Variants in IGF2BP1 observed in about 807,000 individuals in gnomAD.
The protein encoded by IGF2BP1 is insulin like growth factor 2 mRNA binding protein 1.
IGF2BP1 carries 11 observed loss-of-function variants against 74.9 expected under a neutral mutation model. The observed-to-expected ratio is 0.15, with a 90% confidence interval of 0.09 to 0.24. The LOEUF (loss-of-function observed/expected upper bound fraction) is 0.24, where lower values mean the gene tolerates loss of function less well. Among genes scored for constraint, IGF2BP1 ranks in the 10% least tolerant of loss-of-function variants. The pLI is 1.00. For missense variants in IGF2BP1, 440 were observed against 757.4 expected (o/e 0.58, Z 4.92); for synonymous variants, 287 against 281.8 (o/e 1.02, Z -0.18).
rs1295473711 is a variant in IGF2BP1 at position 48,997,784 on chromosome 17, G to A, written c.39G>A (p.Val13=). 4.3e-6 allele frequency: 7 copies of A among 1,613,942 alleles called. No individual in the cohort carries two copies. Among genetic ancestry groups the A allele is most frequent in the Non-Finnish European group, 5.9e-6 (7 of 1,179,990 alleles). ...ACATCGGCAACCTCAACGAGAGCGT[G>A]ACCCCCGCGGACTTGGAGAAAGTGT... is the stretch of plus-strand genomic sequence containing the variant. ...KLYIGNLNES[V]TPADLEKVFA... is the part of the protein sequence containing the mutation. The change falls in exon 1 of 15, where the codon GTG becomes GTA. Residue 13 remains valine (V), a synonymous_variant. Transcript: ENST00000290341. This position sits in a 1 kb window ranked among gnomAD's most constrained non-coding sequence, Gnocchi z 4.8.
intron 5 of IGF2BP1, chr17:49,036,778 C>G (rs2144107465): frequency 6.5e-6 from 1 of 153,278 alleles, no homozygotes; most frequent in Admixed American, 6.5e-5. Flanking sequence ...GGAGAAACCC[C>G]ATCTCTACTA....
intron 6 of IGF2BP1, among the ~76,000 whole-genome samples, chr17:49,039,212 T>C (rs1174361754): frequency 6.6e-6 from 1 of 152,038 alleles, no homozygotes; most frequent in East Asian, 1.9e-4. Flanking sequence ...GTGTACTCAG[T>C]GGCAAAGAAC....
chr17:49,029,506 C>T (rs2041897160), intron 4 of IGF2BP1, among the ~76,000 whole-genome samples: 1 of 152,166 alleles, frequency 6.6e-6, no homozygotes, highest in Non-Finnish European at 1.5e-5. Context: ...CTTATCTGTC[C>T]TCAGTGTTGT....
chr17:49,041,410 A>G lies in IGF2BP1; in HGVS notation c.851A>G (p.His284Arg). 1 of 1,614,100 alleles carries G rather than the reference A, an allele frequency of 6.2e-7. No homozygotes were observed. Residue 284 changes from histidine to arginine, a missense_variant, in exon 8 of 15, where the codon CAT (histidine) becomes CGT (arginine). Around this residue, in one of 5 missense-constraint regions of IGF2BP1, gnomAD observed 184 missense variants for 273.4 expected, o/e 0.67. Coordinates refer to ENST00000290341, the MANE Select transcript of IGF2BP1 (RefSeq NM_006546.4). ...GAGGTTCCCCTGAAGATCCTGGCCC[A>G]TAATAACTTTGTAGGGCGTCTCATT... ...ADEVPLKILA[H>R]NNFVGRLIGK...
intron 2 of IGF2BP1, among the ~76,000 whole-genome samples, chr17:49,006,283 T>C (rs2041550905): frequency 1.3e-5 from 2 of 152,150 alleles, no homozygotes; most frequent in South Asian, 4.1e-4. Context: ...AAAGGAATCA[T>C]TCAAAATTCT....
At chr17:49,034,667 G>T (rs2041963530) in intron 5 of IGF2BP1, among the ~76,000 whole-genome samples, 2 of 151,436 alleles carry the variant, frequency 1.3e-5, no homozygotes, top group Admixed American at 1.3e-4. Context: ...GGAGGTGGAG[G>T]TGGAGGTTGC....
At chr17:49,034,234 C>T (rs1234276920) in intron 5 of IGF2BP1, among the ~76,000 whole-genome samples, 7 of 151,534 alleles carry the variant, frequency 4.6e-5, no homozygotes, top group East Asian at 1.9e-4. Flanking sequence ...CTCAGCCTCC[C>T]GAGTAGTTGG....
At chr17:49,021,361 G>T (rs1307839171) in intron 2 of IGF2BP1, among the ~76,000 whole-genome samples, 1 of 152,108 alleles carries the variant, frequency 6.6e-6, no homozygotes, top group Non-Finnish European at 1.5e-5. Context: ...TTGCAAGGAT[G>T]CTCTTTCCCT....
chr17:49,048,175 T>C (rs891990710), intron 14 of IGF2BP1, among the ~76,000 whole-genome samples: 1 of 152,280 alleles, frequency 6.6e-6, no homozygotes, highest in Admixed American at 6.5e-5. Context: ...AAAGATTGGG[T>C]ATTTTGTCCA....
At chr17:49,010,748 A>G (rs2041607228) in intron 2 of IGF2BP1, among the ~76,000 whole-genome samples, 1 of 152,130 alleles carries the variant, frequency 6.6e-6, no homozygotes, top group African/African-American at 2.4e-5. Flanking sequence ...GTACAAGGCC[A>G]AGTCTCTGCC....
chr17:49,046,047 G>A (rs2042104425), intron 13 of IGF2BP1, 26 bp downstream of exon 13: 1 of 1,611,896 alleles, frequency 6.2e-7, no homozygotes, highest in Non-Finnish European at 8.5e-7. Flanking sequence ...CAGGTTGAAA[G>A]CCCTGGGCCT....
intron 2 of IGF2BP1, among the ~76,000 whole-genome samples, chr17:49,011,923 T>G (rs2041624116): frequency 6.6e-6 from 1 of 150,430 alleles, no homozygotes; most frequent in Non-Finnish European, 1.5e-5. Flanking sequence ...TTTTTTTTTT[T>G]GGGAGATAGA....
intron 14 of IGF2BP1, among the ~76,000 whole-genome samples, chr17:49,048,921 A>G (rs1311720520): frequency 2.0e-5 from 3 of 151,770 alleles, no homozygotes; most frequent in African/African-American, 7.3e-5. Flanking sequence ...GTGGAAGAAA[A>G]ATTGTTTTCC....
In IGF2BP1 at chr17:49,055,429, C is replaced by A. The variant is rs2042216491; in HGVS notation, c.*5985C>A. The A allele has an allele frequency of 5.3e-6, 2 of 377,056 alleles. No homozygotes were observed. Among genetic ancestry groups the A allele is most frequent in the Admixed American group, 4.6e-5 (1 of 21,946 alleles). 23.4% of individuals were successfully genotyped at this position (377,056 alleles called of 1,614,324 possible). On this transcript the variant is annotated 3_prime_UTR_variant, in exon 15 of 15. Transcript: ENST00000290341. Reference sequence around the variant, plus strand: ...CTCCCAGCCAGCTGACTTCAGTCACCCCTGTCCCCCCTCCCCTGCCAATAA... The same window carrying A: ...CTCCCAGCCAGCTGACTTCAGTCACACCTGTCCCCCCTCCCCTGCCAATAA...
chr17:49,027,112 G>A (rs553237390), intron 4 of IGF2BP1, among the ~76,000 whole-genome samples: 4 of 152,168 alleles, frequency 2.6e-5, no homozygotes, highest in Non-Finnish European at 4.4e-5. Context: ...TGTGTTAGGC[G>A]GGGAAATACA....
chr17:49,014,663 G>A, intron 2 of IGF2BP1: 1 of 551,596 alleles, frequency 1.8e-6, no homozygotes, highest in Non-Finnish European at 2.3e-6. Context: ...CGCAGGTCAT[G>A]GTTGGCAGCT....
At chr17:49,040,954 A>G (rs2042045897) in intron 7 of IGF2BP1, among the ~76,000 whole-genome samples, 1 of 152,204 alleles carries the variant, frequency 6.6e-6, no homozygotes, top group Admixed American at 6.5e-5. Context: ...CTCTAATCCC[A>G]GCACTTTGGA....
intron 4 of IGF2BP1, among the ~76,000 whole-genome samples, chr17:49,030,222 A>G (rs1012961094): frequency 2.0e-5 from 3 of 149,362 alleles, no homozygotes; most frequent in Admixed American, 1.3e-4. Context: ...GCTCACTGCA[A>G]CCTCCACCTC....
Position 49,052,208 on chromosome 17 carries a change from A to G in IGF2BP1, c.*2764A>G, listed in dbSNP as rs947882895. The G allele has an allele frequency of 6.6e-5, 10 of 152,196 alleles. No homozygotes were observed. Among genetic ancestry groups the G allele is most frequent in the African/African-American group, 2.4e-4 (10 of 41,444 alleles). 9.4% of individuals were successfully genotyped at this position (152,196 alleles called of 1,614,324 possible). A position where few individuals can be genotyped will look rare whatever the true frequency, so the allele number is the denominator to read the frequency against. On this transcript the variant is annotated 3_prime_UTR_variant, in exon 15 of 15. Transcript: ENST00000290341. ...GCCTCTCCACCTGTCCCAACCATAA[A>G]AAGGGTCTCCCAGCTTTCCATCTCT...
Sources: gnomAD v4.1 joint callset for allele counts (sites outside exome capture counted in the v4.1 genomes callset) on GRCh38, gnomAD v4.1.1 for gene constraint, gnomAD v4.1.1 regional missense constraint, Gnocchi (gnomAD v3.1) non-coding constraint, MANE v1.5 for transcripts, NCBI Gene and HGNC (gene_info 2026-07-23, HGNC 2026-07-21) for gene names.